The following DENND1A variants were observed in gnomAD, a reference collection of about 807,000 sequenced individuals.
The protein encoded by DENND1A is DENN domain containing 1A.
DENND1A carries 51 observed loss-of-function variants against 113.7 expected under a neutral mutation model. The observed-to-expected ratio is 0.45, with a 90% CI of 0.36 to 0.57. The LOEUF is 0.57. Ranked by LOEUF, DENND1A falls within the 20% of genes least tolerant of loss-of-function variation. DENND1A has a pLI of 0.00. For synonymous variants in DENND1A, 565 were observed against 570.8 expected, an observed-to-expected ratio of 0.99 and a Z score of 0.14; for missense variants, 1,258 against 1,395.9, an observed-to-expected ratio of 0.90 and a Z score of 1.57.
At chr9:123,536,404 A>C (rs1334945510) in intron 13 of DENND1A, among the ~76,000 whole-genome samples, 1 of 151,746 alleles carries the variant, frequency 6.6e-6, no homozygotes, top group Non-Finnish European at 1.5e-5. Context: ...CGGGAGGCAG[A>C]AGTTGCAGTG....
intron 21 of DENND1A, among the ~76,000 whole-genome samples, chr9:123,391,100 G>A (rs981706532): frequency 1.3e-5 from 2 of 152,220 alleles, no homozygotes; most frequent in East Asian, 3.8e-4. Context: ...AGGGGGCTGG[G>A]GGCTTCCACA....
intron 17 of DENND1A, among the ~76,000 whole-genome samples, chr9:123,451,177 T>C (rs933551652): frequency 6.6e-5 from 10 of 152,190 alleles, no homozygotes; most frequent in African/African-American, 2.4e-4. Flanking sequence ...AACAGACACA[T>C]TGCTGGGTTT....
At chr9:123,889,382 C>T (rs1284361851) in intron 1 of DENND1A, among the ~76,000 whole-genome samples, 5 of 152,186 alleles carry the variant, frequency 3.3e-5, no homozygotes, top group Admixed American at 6.5e-5. Flanking sequence ...GGTATTATCA[C>T]GTATCATATA....
At chr9:123,643,896 G>A (rs75793485) in intron 9 of DENND1A, among the ~76,000 whole-genome samples, 3,395 of 152,332 alleles carry the variant, frequency 0.022, 50 homozygotes, top group Non-Finnish European at 0.033. Context: ...GTTCAAAGGT[G>A]ACGACGACCA....
intron 12 of DENND1A, among the ~76,000 whole-genome samples, chr9:123,558,560 A>G (rs1194630358): frequency 6.6e-6 from 1 of 152,238 alleles, no homozygotes; most frequent in Non-Finnish European, 1.5e-5. Flanking sequence ...TAGTAGCCAA[A>G]GCAAGGAGGG....
At chr9:123,445,031 G>A (rs7864847) in intron 18 of DENND1A, among the ~76,000 whole-genome samples, 2,615 of 152,284 alleles carry the variant, frequency 0.017, 62 homozygotes, top group African/African-American at 0.051. Context: ...GTAAAGCAAG[G>A]CAGTCAGAAA....
chr9:123,505,970 CGTGA>C (rs1457704466), intron 13 of DENND1A, among the ~76,000 whole-genome samples: 1 of 152,062 alleles, frequency 6.6e-6, no homozygotes, highest in Non-Finnish European at 1.5e-5. Context: ...TGCTCCTCAA[CGTGA>C]GTGAGTGTGC....
rs1564223977 is a variant in DENND1A at position 123,765,001 on chromosome 9, G to C, written c.182+4513C>G. On this transcript the variant is annotated intron_variant, in intron 4 of 23. Coordinates refer to ENST00000394215, the MANE Select transcript of DENND1A (RefSeq NM_001352964.2). Reference sequence around the variant, plus strand: ...GGACTTCAAGGGCCCAGTGGGTTCAGGTTTAGAAAGGAGAGCAGGGTGAAT... The same window carrying C: ...GGACTTCAAGGGCCCAGTGGGTTCACGTTTAGAAAGGAGAGCAGGGTGAAT... 3.9e-5 allele frequency among the ~76,000 whole-genome samples: 6 copies of C among 152,308 alleles called. No homozygotes were observed. The South Asian group carries it at 1.2e-3, about 32-fold the overall frequency.
chr9:123,558,426 A>AAAGGG (rs1425924214), intron 12 of DENND1A, among the ~76,000 whole-genome samples: 1 of 152,238 alleles, frequency 6.6e-6, no homozygotes, highest in Non-Finnish European at 1.5e-5. Context: ...AAGAGGTTAA[A>AAAGGG]ACAAAAAACT....
At chr9:123,681,396 G>T (rs1215763484) in intron 5 of DENND1A, among the ~76,000 whole-genome samples, 1 of 152,026 alleles carries the variant, frequency 6.6e-6, no homozygotes, top group African/African-American at 2.4e-5. Flanking sequence ...GGAAGGGGCA[G>T]CAGCAGCTCT....
intron 13 of DENND1A, among the ~76,000 whole-genome samples, chr9:123,504,217 C>A (rs1354484945): frequency 6.6e-6 from 1 of 152,192 alleles, no homozygotes; most frequent in Non-Finnish European, 1.5e-5. Flanking sequence ...TGAAACTGCA[C>A]TCGCCCTTCG....
intron 12 of DENND1A, among the ~76,000 whole-genome samples, chr9:123,581,163 G>A (rs768744638): frequency 1.3e-5 from 2 of 152,124 alleles, no homozygotes; most frequent in Non-Finnish European, 2.9e-5. Flanking sequence ...GGTCAAGCGG[G>A]AGTAAGGAAA....
At chr9:123,917,848 C>T (rs540746875) in intron 1 of DENND1A, among the ~76,000 whole-genome samples, 66 of 152,094 alleles carry the variant, frequency 4.3e-4, no homozygotes, top group African/African-American at 1.5e-3. Context: ...CAGTGGCTCA[C>T]GCCTGTAATC....
At chr9:123,831,826 T>C (rs1840261670) in intron 2 of DENND1A, among the ~76,000 whole-genome samples, 1 of 152,000 alleles carries the variant, frequency 6.6e-6, no homozygotes. Context: ...GTACTAAAAG[T>C]ACAAAAATGA....
chr9:123,392,231 C>T (rs993855020), intron 21 of DENND1A, among the ~76,000 whole-genome samples: 2 of 152,198 alleles, frequency 1.3e-5, no homozygotes, highest in East Asian at 1.9e-4. Context: ...ATCTGCATCT[C>T]GGGAGTTTTT....
At chr9:123,457,491 C>T (rs1271520239) in intron 14 of DENND1A, 56 bp from the exon 15 acceptor site, 2 of 1,420,044 alleles carry the variant, frequency 1.4e-6, no homozygotes, top group Non-Finnish European at 2.0e-6. Context: ...GGGGGAAAAA[C>T]CATTCAGCTG....
chr9:123,916,557 G>C (rs2134096530), intron 1 of DENND1A, among the ~76,000 whole-genome samples: 1 of 152,146 alleles, frequency 6.6e-6, no homozygotes, highest in East Asian at 1.9e-4. Context: ...ATTTTTAGTA[G>C]AGACGGGGTT....
At chr9:123,812,834 A>C (rs544197994) in intron 2 of DENND1A, among the ~76,000 whole-genome samples, 1 of 152,196 alleles carries the variant, frequency 6.6e-6, no homozygotes, top group African/African-American at 2.4e-5. Context: ...GCCTTGTAAA[A>C]ATTTTCAATC....
At chr9:123,568,384 C>G (rs899463868) in intron 12 of DENND1A, among the ~76,000 whole-genome samples, 2 of 152,158 alleles carry the variant, frequency 1.3e-5, no homozygotes, top group African/African-American at 4.8e-5. Context: ...TTTTCAAATC[C>G]CCTAGCACAG....
Sources: allele counts gnomAD v4.1 joint callset (sites outside exome capture counted in the v4.1 genomes callset), GRCh38; gene constraint gnomAD v4.1.1; transcripts MANE v1.5; gene names NCBI Gene and HGNC (gene_info 2026-07-23, HGNC 2026-07-21).